PITPNM3: variants seen among roughly 807,000 people sequenced by gnomAD.
The protein encoded by PITPNM3 is membrane-associated phosphatidylinositol transfer protein 3.
A neutral mutation model predicts 102.0 loss-of-function variants in PITPNM3; 26 were observed. That is an observed-to-expected ratio of 0.25 (90% CI 0.19 to 0.35). PITPNM3 has a LOEUF of 0.35. PITPNM3 is among the 10% of genes least tolerant of loss of function. The pLI, the probability that PITPNM3 is intolerant of heterozygous loss-of-function variation, is 1.00. For synonymous variants in PITPNM3, 578 were observed against 558.6 expected (o/e 1.03, Z -0.49); for missense variants, 1,083 against 1,346.1 (o/e 0.80, Z 3.06).
intron 1 of PITPNM3, among the ~76,000 whole-genome samples, chr17:6,542,083 C>G (rs1420754405): frequency 3.3e-5 from 5 of 152,320 alleles, no homozygotes; most frequent in East Asian, 1.9e-4. Context: ...ATTGCCCGCT[C>G]TCTTGGAAAT....
chr17:6,525,574 T>G, intron 2 of PITPNM3, 111 bp from the exon 3 acceptor site: 1 of 795,478 alleles, frequency 1.3e-6, no homozygotes, highest in Non-Finnish European at 2.2e-6. Context: ...TTCCTTGAGT[T>G]GAGGTACACC....
intron 11 of PITPNM3, among the ~76,000 whole-genome samples, chr17:6,471,917 A>G (rs1905095787): frequency 1.3e-5 from 2 of 152,202 alleles, no homozygotes; most frequent in African/African-American, 4.8e-5. Context: ...TTGGAAATAA[A>G]GGCTCCATTG....
At position 6,519,331 on chromosome 17, in the gene PITPNM3, G is replaced by A. The variant is rs1172619620; in HGVS notation, c.226+6025C>T. Among the ~76,000 whole-genome samples, 2 of 22,684 alleles carry A rather than the reference G, an allele frequency of 8.8e-5. 1 individual carries two copies. The highest frequency in any genetic ancestry group is 1.7e-3 in the East Asian group (2 of 1,200). The allele number at this position is 22,684 out of a possible 152,430, so 14.9% of individuals were successfully genotyped here. A position where few individuals can be genotyped will look rare whatever the true frequency, so the allele number is the denominator to read the frequency against. On this transcript the variant is annotated intron_variant, in intron 3 of 19. Coordinates refer to ENST00000262483, the MANE Select transcript of PITPNM3 (RefSeq NM_031220.4). Reference sequence around the variant, plus strand: ...CGCAGTCCGGCCTGGGCGACAGAGCGAGACTCCGTCTCAAAAAAAAAAAAA... The same window carrying A: ...CGCAGTCCGGCCTGGGCGACAGAGCAAGACTCCGTCTCAAAAAAAAAAAAA...
At chr17:6,479,134 G>A in intron 6 of PITPNM3, 1 of 197,746 alleles carries the variant, frequency 5.1e-6, no homozygotes, top group Non-Finnish European at 1.0e-5. Context: ...GGTGGGGCTT[G>A]AACTAGGCCT....
chr17:6,489,165 A>G (rs1040155916), intron 4 of PITPNM3, among the ~76,000 whole-genome samples: 2 of 152,162 alleles, frequency 1.3e-5, no homozygotes, highest in Non-Finnish European at 2.9e-5. Context: ...CATCACCCAC[A>G]CACTCAGCAC....
At chr17:6,514,423 C>T (rs1908036141) in intron 3 of PITPNM3, among the ~76,000 whole-genome samples, 1 of 151,854 alleles carries the variant, frequency 6.6e-6, no homozygotes, top group Non-Finnish European at 1.5e-5. Flanking sequence ...AAAGACAACC[C>T]AAATTTTAAA....
intron 9 of PITPNM3, among the ~76,000 whole-genome samples, chr17:6,476,231 G>A (rs1049222600): frequency 2.6e-5 from 4 of 152,096 alleles, no homozygotes; most frequent in African/African-American, 9.7e-5. Flanking sequence ...GAGACTGTTG[G>A]CTCCCTCTGG....
chr17:6,509,973 C>T (rs11650804), intron 3 of PITPNM3, among the ~76,000 whole-genome samples: 33,252 of 151,458 alleles, frequency 0.22, 4,707 homozygotes, highest in Middle Eastern at 0.38. Context: ...CTTTTTACCA[C>T]CCCCTAGCTC....
chr17:6,547,957 A>G (rs1042118544), intron 1 of PITPNM3, among the ~76,000 whole-genome samples: 8 of 151,244 alleles, frequency 5.3e-5, no homozygotes, highest in Non-Finnish European at 7.4e-5. Context: ...CAAACTCCCA[A>G]CCTCAGGTGA....
At chr17:6,463,983 A>G in intron 16 of PITPNM3, 102 bp from the exon 17 acceptor site, 1 of 1,560,002 alleles carries the variant, frequency 6.4e-7, no homozygotes, top group Admixed American at 1.8e-5. Flanking sequence ...GTCTGGGTCA[A>G]GGTCAGAGAG....
At chr17:6,507,358 T>C (rs1298094329) in intron 3 of PITPNM3, among the ~76,000 whole-genome samples, 3 of 152,072 alleles carry the variant, frequency 2.0e-5, no homozygotes, top group African/African-American at 7.2e-5. Flanking sequence ...CCAAGGTGGG[T>C]GGACCACCTG....
At chr17:6,512,280 C>T (rs951910704) in intron 3 of PITPNM3, among the ~76,000 whole-genome samples, 3 of 152,166 alleles carry the variant, frequency 2.0e-5, no homozygotes, top group Non-Finnish European at 2.9e-5. Flanking sequence ...AGTAAACAGA[C>T]ATATTCCTAT....
At chr17:6,540,239 G>A (rs1478129250) in intron 1 of PITPNM3, among the ~76,000 whole-genome samples, 1 of 152,202 alleles carries the variant, frequency 6.6e-6, no homozygotes, top group Admixed American at 6.5e-5. Context: ...TGGGAACTGG[G>A]AACACTGTGG....
chr17:6,484,438 C>A, intron 4 of PITPNM3, 146 bp from the exon 5 acceptor site: 1 of 777,228 alleles, frequency 1.3e-6, no homozygotes, highest in Non-Finnish European at 2.2e-6. Flanking sequence ...GGAGAGTCAC[C>A]CCATCCAGGC....
intron 4 of PITPNM3, among the ~76,000 whole-genome samples, chr17:6,495,170 T>C (rs888836599): frequency 6.6e-6 from 1 of 152,118 alleles, no homozygotes; most frequent in African/African-American, 2.4e-5. Context: ...CTAGGGAGAA[T>C]TGTGTGCGCT....
At chr17:6,547,081 C>T (rs1294358827) in intron 1 of PITPNM3, among the ~76,000 whole-genome samples, 1 of 152,022 alleles carries the variant, frequency 6.6e-6, no homozygotes, top group Non-Finnish European at 1.5e-5. Flanking sequence ...TGCTGCCTGT[C>T]GTCTTCACGA....
chr17:6,465,368 C>T (rs563087434), intron 14 of PITPNM3, among the ~76,000 whole-genome samples: 1 of 152,318 alleles, frequency 6.6e-6, no homozygotes, highest in African/African-American at 2.4e-5. Flanking sequence ...TGACTCTGCT[C>T]GGCCCTGAGG....
intron 1 of PITPNM3, among the ~76,000 whole-genome samples, chr17:6,547,721 CTCTTTTCTTT>C (rs531077310): frequency 1.6e-4 from 24 of 151,614 alleles, no homozygotes; most frequent in East Asian, 9.7e-4. Context: ...ACGCTGGGGT[CTCTTTTCTTT>C]TCTTTTCTTT....
intron 4 of PITPNM3, among the ~76,000 whole-genome samples, chr17:6,488,784 C>T (rs1906249010): frequency 6.6e-6 from 1 of 152,166 alleles, no homozygotes; most frequent in Non-Finnish European, 1.5e-5. Context: ...TGGAGAGCCA[C>T]ATAAAGGGGA....
Sources: allele counts gnomAD v4.1 joint callset (sites outside exome capture counted in the v4.1 genomes callset), GRCh38; gene constraint gnomAD v4.1.1; transcripts MANE v1.5; gene names NCBI Gene and HGNC (gene_info 2026-07-23, HGNC 2026-07-21).